The following GLI2 variants were observed in gnomAD, a reference collection of about 807,000 sequenced individuals.
GLI2 encodes transcription activator GLI2.
GLI2 carries 22 observed loss-of-function variants against 78.9 expected under a neutral mutation model. The ratio of observed to expected loss-of-function variants is 0.28; its 90% CI spans 0.20 to 0.40. The LOEUF is 0.40. Ranked by LOEUF, GLI2 falls within the 10% of genes least tolerant of loss-of-function variation. The pLI is 1.00. For synonymous variants in GLI2, 974 were observed against 963.7 expected (o/e 1.01, Z -0.20); for missense variants, 2,097 against 2,213.2 (o/e 0.95, Z 1.05).
At chr2:120,759,116 G>A (rs540167954) in intron 1 of GLI2, among the ~76,000 whole-genome samples, 18 of 152,368 alleles carry the variant, frequency 1.2e-4, no homozygotes, top group Non-Finnish European at 2.4e-4. Flanking sequence ...GTCTGAGAAT[G>A]TAGGAAGAAA....
At chr2:120,771,210 G>A (rs1033329498) in intron 1 of GLI2, among the ~76,000 whole-genome samples, 8 of 152,222 alleles carry the variant, frequency 5.3e-5, no homozygotes, top group African/African-American at 1.9e-4. Context: ...GAGAGTGGTG[G>A]CAGCAGCTCA....
intron 10 of GLI2, among the ~76,000 whole-genome samples, chr2:120,981,719 C>A (rs1043802848): frequency 2.6e-5 from 4 of 152,214 alleles, no homozygotes; most frequent in Admixed American, 2.0e-4. Flanking sequence ...CCATTCAATG[C>A]AACCACAGTA....
At chr2:120,945,564 C>A (rs1186494894) in intron 3 of GLI2, among the ~76,000 whole-genome samples, 2 of 152,188 alleles carry the variant, frequency 1.3e-5, no homozygotes, top group Non-Finnish European at 2.9e-5. Context: ...CAAGAAATGT[C>A]TTAGCTCACA....
At chr2:120,788,409 G>C (rs1684056052) in intron 1 of GLI2, among the ~76,000 whole-genome samples, 2 of 152,250 alleles carry the variant, frequency 1.3e-5, no homozygotes, top group Non-Finnish European at 2.9e-5. Context: ...AAGGCATGGG[G>C]ATTGGAGAGG....
At chr2:120,984,778 G>T in intron 12 of GLI2, 35 bp downstream of exon 12, 1 of 1,607,432 alleles carries the variant, frequency 6.2e-7, no homozygotes, top group South Asian at 1.1e-5. Context: ...CACGCAAGGC[G>T]ACTCCATAGC....
At chr2:120,975,437 AT>A (rs72382377) in intron 9 of GLI2, among the ~76,000 whole-genome samples, 46,856 of 151,290 alleles carry the variant, frequency 0.31, 7,529 homozygotes, top group East Asian at 0.48. Context: ...CTATATACAC[AT>A]TTTTTTTTTC....
intron 6 of GLI2, among the ~76,000 whole-genome samples, chr2:120,969,675 T>G (rs1191761852): frequency 6.6e-6 from 1 of 152,260 alleles, no homozygotes; most frequent in African/African-American, 2.4e-5. Flanking sequence ...TGTCAGCCAG[T>G]GCTTCATCCC....
rs5833859 is a variant in GLI2, at chr2:120,983,946, G to GGTGT, written c.1633-495_1633-492dup. 6.6e-3 allele frequency among the ~76,000 whole-genome samples: 946 copies of GGTGT among 143,182 alleles called. 8 individuals carry two copies. Among genetic ancestry groups the GGTGT allele is most frequent in the African/African-American group, 0.023 (865 of 38,306 alleles). 93.9% of individuals were successfully genotyped at this position (143,182 alleles called of 152,430 possible). A position where few individuals can be genotyped will look rare whatever the true frequency, so the allele number is the denominator to read the frequency against. The stretch of plus-strand genomic sequence containing the variant: ...GTTTTTCTGTAGACGTGGTGTGTGG[G>GGTGT]GTGTGTGTGTGTGTGTGTGTGTGTG... On this transcript the variant is annotated intron_variant, in intron 11 of 13. Transcript: ENST00000361492.
At chr2:120,888,205 G>T (rs557905023) in intron 2 of GLI2, among the ~76,000 whole-genome samples, 4 of 152,234 alleles carry the variant, frequency 2.6e-5, no homozygotes, top group Non-Finnish European at 4.4e-5. Context: ...TGTTTTGCCC[G>T]CTGGGGCAAG....
rs1021415613 is a variant in GLI2 at position 120,800,982 on chromosome 2, A to G, written c.148+3514A>G. Among the ~76,000 whole-genome samples the G allele has an allele frequency of 6.6e-6, 1 of 152,060 alleles. No homozygotes were observed. Among genetic ancestry groups the G allele is most frequent in the Non-Finnish European group, 1.5e-5 (1 of 68,002 alleles). On this transcript the variant is annotated intron_variant, in intron 2 of 13. Coordinates refer to ENST00000361492, the MANE Select transcript of GLI2 (RefSeq NM_001374353.1). This position sits in a 1 kb window ranked among gnomAD's most constrained non-coding sequence, Gnocchi z 4.1. ...CTGTAAGGTATCCAGATGTGGGGGC[A>G]CCCTGCATTCCCCGGCAGCTCATGG...
intron 12 of GLI2, 75 bp from the exon 13 acceptor site, chr2:120,986,203 G>T: frequency 7.3e-7 from 1 of 1,378,048 alleles, no homozygotes; most frequent in Non-Finnish European, 1.0e-6. Flanking sequence ...TGTGGTGCCT[G>T]TGCAGGCCTA....
At chr2:120,982,917 G>T (rs41279790) in intron 11 of GLI2, 37 bp downstream of exon 11, 3 of 1,602,244 alleles carry the variant, frequency 1.9e-6, no homozygotes, top group Non-Finnish European at 2.6e-6. Flanking sequence ...ATGCACACTG[G>T]GGCCCCACTG....
intron 2 of GLI2, among the ~76,000 whole-genome samples, chr2:120,916,076 G>A (rs896749137): frequency 6.6e-6 from 1 of 152,208 alleles, no homozygotes; most frequent in Non-Finnish European, 1.5e-5. Flanking sequence ...CCCTCCCGGG[G>A]TGGTCCCTGG....
chr2:120,981,771 TTC>T (rs1317664558), intron 10 of GLI2, among the ~76,000 whole-genome samples: 1 of 152,146 alleles, frequency 6.6e-6, no homozygotes, highest in African/African-American at 2.4e-5. Flanking sequence ...GATCTCTTCT[TTC>T]TCCCCTTCCT....
chr2:120,848,797 C>T (rs770879284), intron 2 of GLI2, among the ~76,000 whole-genome samples: 34 of 152,186 alleles, frequency 2.2e-4, no homozygotes, highest in Non-Finnish European at 3.8e-4. Context: ...CAGATAGTCA[C>T]TTTTCTTAGG....
intron 5 of GLI2, among the ~76,000 whole-genome samples, chr2:120,958,408 C>A (rs1681381778): frequency 6.6e-6 from 1 of 152,144 alleles, no homozygotes. Flanking sequence ...TCTCCCAGAC[C>A]TTTTCCTTGC....
rs1189474328 is a variant in GLI2, at chr2:120,794,968, A to G, written c.-30-2323A>G. ...CCAGGCTGGTGTGTGCAGATGAGCC[A>G]GGAGCTGACAGGAGCTGTGGACATC... On this transcript the variant is annotated intron_variant, in intron 1 of 13. Coordinates refer to ENST00000361492, the MANE Select transcript of GLI2 (RefSeq NM_001374353.1). 2.0e-5 allele frequency among the ~76,000 whole-genome samples: 3 copies of G among 152,204 alleles called. No individual in the cohort carries two copies. The East Asian group carries it at 5.8e-4, about 29-fold the overall frequency.
intron 2 of GLI2, among the ~76,000 whole-genome samples, chr2:120,820,503 T>C (rs1005019308): frequency 1.3e-5 from 2 of 152,214 alleles, no homozygotes; most frequent in African/African-American, 4.8e-5. Flanking sequence ...GGCGGAGAGC[T>C]GCCTTGAGGC....
chr2:120,927,499 G>T (rs746179300), intron 3 of GLI2, 33 bp downstream of exon 3: 1 of 1,440,848 alleles, frequency 6.9e-7, no homozygotes, highest in South Asian at 1.1e-5. Flanking sequence ...TGCTCCTGGC[G>T]TGCAGTCACC....
Sources: allele counts gnomAD v4.1 joint callset (sites outside exome capture counted in the v4.1 genomes callset), GRCh38; gene constraint gnomAD v4.1.1; non-coding constraint Gnocchi (gnomAD v3.1); transcripts MANE v1.5; gene names NCBI Gene and HGNC (gene_info 2026-07-23, HGNC 2026-07-21).